AHI1: variants seen among roughly 807,000 people sequenced by gnomAD.
The protein encoded by AHI1 is jouberin.
A neutral mutation model predicts 149.3 loss-of-function variants in AHI1; 123 were observed. That is an observed-to-expected ratio of 0.82 (90% CI 0.71 to 0.96). The LOEUF (loss-of-function observed/expected upper bound fraction) is 0.96. Among genes scored for constraint, AHI1 ranks in the 40% least tolerant of loss-of-function variants. The pLI, the probability that AHI1 is intolerant of heterozygous loss-of-function variation, is 0.00. For missense variants in AHI1, 1,439 were observed against 1,422.7 expected (o/e 1.01, Z -0.18); for synonymous variants, 475 against 459.8 (o/e 1.03, Z -0.42).
intron 20 of AHI1, among the ~76,000 whole-genome samples, chr6:135,425,764 T>C (rs1243964950): frequency 1.3e-5 from 2 of 151,798 alleles, no homozygotes; most frequent in Non-Finnish European, 3.0e-5. Flanking sequence ...GCCTCTAGAA[T>C]GGACTTCTTT....
intron 5 of AHI1, among the ~76,000 whole-genome samples, chr6:135,470,765 C>A (rs1283270672): frequency 2.0e-5 from 3 of 151,654 alleles, no homozygotes; most frequent in Non-Finnish European, 4.4e-5. Flanking sequence ...GGGAGAGGAA[C>A]AACAAACACT....
At chr6:135,302,361 A>C in intron 26 of AHI1, 1 of 990,340 alleles carries the variant, frequency 1.0e-6, no homozygotes, top group East Asian at 1.1e-4. Flanking sequence ...ACCAGTGTTA[A>C]GCCAATGTTA....
At chr6:135,302,442 T>G in intron 26 of AHI1, 1 of 1,001,620 alleles carries the variant, frequency 1.0e-6, no homozygotes, top group Non-Finnish European at 1.2e-6. Context: ...CCAATTCTGC[T>G]AAGCCTGTTC....
intron 24 of AHI1, among the ~76,000 whole-genome samples, chr6:135,333,366 T>A (rs1788886625): frequency 6.6e-6 from 1 of 152,164 alleles, no homozygotes; most frequent in South Asian, 2.1e-4. Context: ...ATATTTTATT[T>A]CATAAGAGGA....
rs536717042 is a variant in AHI1 at position 135,285,496 on chromosome 6, T to G, written c.*149A>C. 1.2e-6 allele frequency: 1 copy of G among 836,126 alleles called. No individual in the cohort carries two copies. Among genetic ancestry groups the G allele is most frequent in the African/African-American group, 1.7e-5 (1 of 57,718 alleles). The allele number at this position is 836,126 out of a possible 1,614,324, so 51.8% of individuals were successfully genotyped here. A position where few individuals can be genotyped will look rare whatever the true frequency, so the allele number is the denominator to read the frequency against. On this transcript the variant is annotated 3_prime_UTR_variant, in exon 29 of 29. Transcript: ENST00000265602. ...TTTCCACCCACAACTTGATTCTGAT[T>G]TTTCTAGAGTCATTCATAAGAACAA...
intron 5 of AHI1, among the ~76,000 whole-genome samples, chr6:135,486,281 T>C (rs1304956329): frequency 2.0e-5 from 3 of 152,170 alleles, no homozygotes; most frequent in Non-Finnish European, 4.4e-5. Flanking sequence ...TCATACATAA[T>C]ATACCATGTA....
At chr6:135,348,125 T>C (rs1011162291) in intron 24 of AHI1, among the ~76,000 whole-genome samples, 1 of 152,020 alleles carries the variant, frequency 6.6e-6, no homozygotes, top group African/African-American at 2.4e-5. Flanking sequence ...CAGGATAGAG[T>C]ATCACAAGAA....
intron 20 of AHI1, among the ~76,000 whole-genome samples, chr6:135,422,834 A>T (rs1007084227): frequency 1.3e-5 from 2 of 151,826 alleles, no homozygotes; most frequent in African/African-American, 4.8e-5. Flanking sequence ...AATACTAGAT[A>T]AGCAAACTTC....
chr6:135,437,684 G>A (rs1785616106), intron 15 of AHI1, among the ~76,000 whole-genome samples: 1 of 152,132 alleles, frequency 6.6e-6, no homozygotes, highest in African/African-American at 2.4e-5. Context: ...TGTCAGTTTC[G>A]TAGTGTGTGG....
In AHI1 at chr6:135,306,338, C is replaced by T. The variant is rs563698825; in HGVS notation, c.3427-5780G>A. Among the ~76,000 whole-genome samples, 3 of 152,262 alleles carry T rather than the reference C, an allele frequency of 2.0e-5. No individual in the cohort carries two copies. The South Asian group carries it at 6.2e-4, about 32-fold the overall frequency. On this transcript the variant is annotated intron_variant, in intron 26 of 28. Transcript: ENST00000265602. ...CAGTTCCTTCTCTGATACCTGAAAACAGCTGCAGGAGGGTAAAATTACAGA... is the reference window on the plus strand; with the variant it reads ...CAGTTCCTTCTCTGATACCTGAAAATAGCTGCAGGAGGGTAAAATTACAGA...
chr6:135,477,602 G>A (rs1189541512), intron 5 of AHI1, among the ~76,000 whole-genome samples: 1 of 152,102 alleles, frequency 6.6e-6, no homozygotes, highest in Non-Finnish European at 1.5e-5. Context: ...TGCTGTTCTC[G>A]TGATGGAGTT....
chr6:135,441,999 G>A (rs1010209383), intron 14 of AHI1, among the ~76,000 whole-genome samples: 1 of 152,132 alleles, frequency 6.6e-6, no homozygotes, highest in Admixed American at 6.6e-5. Flanking sequence ...TTCTGCAGAG[G>A]AGAGCTGGTT....
intron 23 of AHI1, among the ~76,000 whole-genome samples, chr6:135,362,770 T>C (rs1794114998): frequency 6.6e-6 from 1 of 152,178 alleles, no homozygotes; most frequent in Admixed American, 6.5e-5. Context: ...ATAGTAGTCC[T>C]TTGTCAGATG....
intron 26 of AHI1, chr6:135,304,997 T>G (rs760922306): frequency 2.6e-5 from 4 of 152,196 alleles, no homozygotes; most frequent in Non-Finnish European, 5.9e-5. Flanking sequence ...CTAAGATTTA[T>G]GCACTGGTAA....
intron 11 of AHI1, among the ~76,000 whole-genome samples, chr6:135,451,296 T>A (rs1217365344): frequency 1.3e-5 from 2 of 152,216 alleles, no homozygotes; most frequent in African/African-American, 4.8e-5. Flanking sequence ...GCATCCGTCA[T>A]GCCACTTTCT....
intron 23 of AHI1, among the ~76,000 whole-genome samples, chr6:135,388,680 A>C (rs945221652): frequency 6.6e-6 from 1 of 152,204 alleles, no homozygotes; most frequent in African/African-American, 2.4e-5. Flanking sequence ...AGGGAATGTA[A>C]GTATATACTT....
At chr6:135,383,193 T>C (rs903748039) in intron 23 of AHI1, among the ~76,000 whole-genome samples, 1 of 148,324 alleles carries the variant, frequency 6.7e-6, no homozygotes, top group Non-Finnish European at 1.5e-5. Context: ...TGGCTTAAAA[T>C]TATGATTGAT....
intron 26 of AHI1, chr6:135,306,702 G>C (rs1784569634): frequency 6.6e-6 from 1 of 152,204 alleles, no homozygotes; most frequent in Admixed American, 6.5e-5. Context: ...CCAATCCTGG[G>C]CACTAGTGAA....
intron 14 of AHI1, among the ~76,000 whole-genome samples, chr6:135,441,935 G>A (rs1368142043): frequency 1.3e-5 from 2 of 152,148 alleles, no homozygotes; most frequent in Admixed American, 1.3e-4. Flanking sequence ...TTAAGCTGAG[G>A]AAAGTTCAAT....
Sources: gnomAD v4.1 joint callset for allele counts (sites outside exome capture counted in the v4.1 genomes callset) on GRCh38, gnomAD v4.1.1 for gene constraint, MANE v1.5 for transcripts, NCBI Gene and HGNC (gene_info 2026-07-23, HGNC 2026-07-21) for gene names.